The following SEMA6D variants were observed in gnomAD, a reference collection of about 807,000 sequenced individuals.
SEMA6D encodes semaphorin-6D.
In SEMA6D, 35 loss-of-function variants were observed where a neutral mutation model predicts 106.6. That is an observed-to-expected ratio of 0.33 (90% CI 0.25 to 0.44). The LOEUF is 0.44. Among genes scored for constraint, SEMA6D ranks in the 20% least tolerant of loss-of-function variants. The pLI is 1.00. For synonymous variants in SEMA6D, 499 were observed against 487.7 expected, an observed-to-expected ratio of 1.02 and a Z score of -0.31; for missense variants, 1,185 against 1,345.9, an observed-to-expected ratio of 0.88 and a Z score of 1.87.
At chr15:47,264,573 G>C (rs1361765698) in intron 1 of SEMA6D, among the ~76,000 whole-genome samples, 1 of 151,974 alleles carries the variant, frequency 6.6e-6, no homozygotes, top group Non-Finnish European at 1.5e-5. Flanking sequence ...GTATATATGT[G>C]TATGTGTGCA....
intron 2 of SEMA6D, among the ~76,000 whole-genome samples, chr15:47,444,051 A>G (rs141186720): frequency 6.8e-4 from 104 of 152,286 alleles, no homozygotes; most frequent in African/African-American, 2.4e-3. Flanking sequence ...AGAGTAAGCC[A>G]CCTGGCTAAA....
At chr15:47,702,916 A>G (rs62000835) in intron 4 of SEMA6D, among the ~76,000 whole-genome samples, 1 of 152,174 alleles carries the variant, frequency 6.6e-6, no homozygotes, top group Non-Finnish European at 1.5e-5. Context: ...ACTGCTCTGT[A>G]TAATACCATA....
At chr15:47,731,065 C>T in intron 1 of SEMA6D, 1 of 564,820 alleles carries the variant, frequency 1.8e-6, no homozygotes, top group East Asian at 2.8e-5. Flanking sequence ...TGAAAAGAGA[C>T]AGACACACAG....
intron 2 of SEMA6D, among the ~76,000 whole-genome samples, chr15:47,438,492 CTTT>C (rs1273040136): frequency 2.0e-5 from 3 of 152,056 alleles, no homozygotes; most frequent in African/African-American, 7.2e-5. Flanking sequence ...AGATTTGACT[CTTT>C]GTTACCCATC....
intron 3 of SEMA6D, among the ~76,000 whole-genome samples, chr15:47,519,878 T>G (rs900531310): frequency 2.0e-5 from 3 of 152,236 alleles, no homozygotes; most frequent in African/African-American, 4.8e-5. Context: ...ATACATGGTG[T>G]TGTCATTATC....
chr15:47,756,768 C>A (rs895039279), intron 1 of SEMA6D, among the ~76,000 whole-genome samples: 5 of 152,130 alleles, frequency 3.3e-5, no homozygotes, highest in East Asian at 1.9e-4. Flanking sequence ...GGTTTACATG[C>A]AAAGACATCC....
At position 47,275,061 on chromosome 15, in the gene SEMA6D, A is replaced by C. The variant is rs182953522; in HGVS notation, c.-239+90643A>C. 3 of 152,280 alleles carry C rather than the reference A, an allele frequency of 2.0e-5. No homozygotes were observed. In the East Asian group the frequency reaches 5.8e-4, roughly 29 times the overall value. The allele number at this position is 152,280 out of a possible 1,614,324, so 9.4% of individuals were successfully genotyped here. A position where few individuals can be genotyped will look rare whatever the true frequency, so the allele number is the denominator to read the frequency against. On this transcript the variant is annotated intron_variant, in intron 1 of 19. Transcript: ENST00000558014. ...GTTGACTGAGAGTAGGAAAATAGACAAAGGAACTGTTAACAGAATCATTGA... is the reference window on the plus strand; with the variant it reads ...GTTGACTGAGAGTAGGAAAATAGACCAAGGAACTGTTAACAGAATCATTGA...
intron 1 of SEMA6D, among the ~76,000 whole-genome samples, chr15:47,382,134 A>G (rs942359116): frequency 1.3e-5 from 2 of 152,232 alleles, no homozygotes; most frequent in Non-Finnish European, 2.9e-5. Context: ...AACATGGCAA[A>G]AGAAATACAG....
chr15:47,626,837 G>C (rs1250244401), intron 4 of SEMA6D, among the ~76,000 whole-genome samples: 2 of 152,104 alleles, frequency 1.3e-5, no homozygotes, highest in African/African-American at 4.8e-5. Context: ...TCAATGCTTT[G>C]GCTAATGGGG....
intron 1 of SEMA6D, among the ~76,000 whole-genome samples, chr15:47,249,089 A>T (rs1345395693): frequency 6.6e-6 from 1 of 152,122 alleles, no homozygotes; most frequent in Admixed American, 6.5e-5. Context: ...TTAGCCGGCC[A>T]TGATGGTGCA....
intron 1 of SEMA6D, among the ~76,000 whole-genome samples, chr15:47,411,619 C>T (rs1431528275): frequency 6.6e-6 from 1 of 152,188 alleles, no homozygotes; most frequent in East Asian, 1.9e-4. Flanking sequence ...CTTTAAAACA[C>T]CTTGCCCTAT....
chr15:47,641,590 G>C (rs1021376261), intron 4 of SEMA6D, among the ~76,000 whole-genome samples: 1 of 152,140 alleles, frequency 6.6e-6, no homozygotes, highest in Non-Finnish European at 1.5e-5. Context: ...GGGAAATGTG[G>C]CTCCTTTTAT....
intron 2 of SEMA6D, among the ~76,000 whole-genome samples, chr15:47,424,207 T>C (rs1285344977): frequency 1.3e-5 from 2 of 152,132 alleles, no homozygotes; most frequent in Non-Finnish European, 2.9e-5. Context: ...ATCCTCTGAT[T>C]AGAAGACTAC....
chr15:47,545,573 C>A (rs2045494449), intron 3 of SEMA6D, among the ~76,000 whole-genome samples: 1 of 152,126 alleles, frequency 6.6e-6, no homozygotes, highest in South Asian at 2.1e-4. Context: ...GAATTGAATT[C>A]TGTAGTCTTC....
chr15:47,227,557 T>TCC (rs2141483983), intron 1 of SEMA6D, among the ~76,000 whole-genome samples: 1 of 79,134 alleles, frequency 1.3e-5, no homozygotes, highest in East Asian at 9.7e-4. Flanking sequence ...TCTCTCTGTC[T>TCC]CTCTCTCTCT....
intron 4 of SEMA6D, among the ~76,000 whole-genome samples, chr15:47,637,562 G>A (rs1293990833): frequency 6.6e-6 from 1 of 152,150 alleles, no homozygotes; most frequent in Non-Finnish European, 1.5e-5. Context: ...TCTGTGCTCA[G>A]CATCGTGTCA....
intron 1 of SEMA6D, among the ~76,000 whole-genome samples, chr15:47,316,411 C>A (rs1443324056): frequency 1.3e-5 from 2 of 151,860 alleles, no homozygotes; most frequent in African/African-American, 4.8e-5. Context: ...TATCTTATTG[C>A]CTGAGCTACT....
rs568412535 is a variant in SEMA6D, at chr15:47,412,177, G to C, written c.-238-216G>C. ...GCCTGTTTGCAATAGGAACATCCAG[G>C]TAGAGATCAATAATCAGTCTCATAG... On this transcript the variant is annotated intron_variant, in intron 1 of 19. Coordinates refer to the SEMA6D transcript ENST00000558014. 2.0e-5 allele frequency among the ~76,000 whole-genome samples: 3 copies of C among 152,048 alleles called. No homozygotes were observed. In the South Asian group the frequency reaches 6.3e-4, roughly 32 times the overall value.
At chr15:47,607,454 C>T (rs1033597039) in intron 4 of SEMA6D, among the ~76,000 whole-genome samples, 4 of 152,172 alleles carry the variant, frequency 2.6e-5, no homozygotes, top group Non-Finnish European at 5.9e-5. Flanking sequence ...CATCTGGATC[C>T]TTGTCCCTTT....
Sources: gnomAD v4.1 joint callset for allele counts (sites outside exome capture counted in the v4.1 genomes callset) on GRCh38, gnomAD v4.1.1 for gene constraint, MANE v1.5 for transcripts, NCBI Gene and HGNC (gene_info 2026-07-23, HGNC 2026-07-21) for gene names.